The following PTPN5 variants were observed in gnomAD, a reference collection of about 807,000 sequenced individuals.
The protein encoded by PTPN5 is protein tyrosine phosphatase non-receptor type 5.
A neutral mutation model predicts 73.9 loss-of-function variants in PTPN5; 29 were observed. The ratio of observed to expected loss-of-function variants is 0.39; its 90% CI spans 0.29 to 0.54. The LOEUF (loss-of-function observed/expected upper bound fraction) is 0.54. PTPN5 is among the 20% of genes least tolerant of loss of function. The pLI, the probability that PTPN5 is intolerant of heterozygous loss-of-function variation, is 0.65. For synonymous variants in PTPN5, 267 were observed against 304.7 expected, an observed-to-expected ratio of 0.88 and a Z score of 1.29; for missense variants, 652 against 751.4, an observed-to-expected ratio of 0.87 and a Z score of 1.55.
intron 3 of PTPN5, among the ~76,000 whole-genome samples, chr11:18,753,138 G>C (rs1268119057): frequency 6.6e-6 from 1 of 152,234 alleles, no homozygotes; most frequent in African/African-American, 2.4e-5. Flanking sequence ...CAGAGGTCTA[G>C]GAAAATCCAG....
intron 4 of PTPN5, 68 bp from the exon 5 acceptor site, chr11:18,743,497 C>G (rs181115833): frequency 7.1e-7 from 1 of 1,404,564 alleles, no homozygotes; most frequent in African/African-American, 1.4e-5. Flanking sequence ...CAGCAGAGCT[C>G]ACCTGCAGCC....
chr11:18,732,473 G>T (rs1848924036), intron 12 of PTPN5, 119 bp downstream of exon 12: 4 of 731,142 alleles, frequency 5.5e-6, no homozygotes, highest in Non-Finnish European at 9.4e-6. Context: ...AGAAAATCTG[G>T]GAGTGACACT....
At chr11:18,781,847 G>C (rs1308961500) in intron 1 of PTPN5, among the ~76,000 whole-genome samples, 1 of 152,088 alleles carries the variant, frequency 6.6e-6, no homozygotes, top group African/African-American at 2.4e-5. Flanking sequence ...TGTCTTATGG[G>C]AGCACTCAGG....
chr11:18,759,598 A>C (rs1301149123), intron 3 of PTPN5, among the ~76,000 whole-genome samples: 1 of 152,248 alleles, frequency 6.6e-6, no homozygotes, highest in Non-Finnish European at 1.5e-5. Context: ...TAGCACATCC[A>C]AATGGTGTTT....
In PTPN5 at chr11:18,733,650, G is replaced by A. The variant is rs745620750; in HGVS notation, c.1001-15C>T. 2 of 1,613,750 alleles carry A rather than the reference G, an allele frequency of 1.2e-6. No homozygotes were observed. Among genetic ancestry groups the A allele is most frequent in the Admixed American group, 1.7e-5 (1 of 60,002 alleles). ...GCTGTGAGGGTCTGGGGTGGTGGGA[G>A]ACAAGTAAGGCTGGAAACTGGGCCC... On this transcript the variant is annotated splice_polypyrimidine_tract_variant and intron_variant, in intron 9 of 14. Coordinates refer to ENST00000358540, the MANE Select transcript of PTPN5 (RefSeq NM_006906.2). This position sits in a 1 kb window ranked among gnomAD's most constrained non-coding sequence, Gnocchi z 4.3.
intron 1 of PTPN5, among the ~76,000 whole-genome samples, chr11:18,785,303 TG>T (rs1851619963): frequency 6.6e-6 from 1 of 152,214 alleles, no homozygotes; most frequent in South Asian, 2.1e-4. Context: ...TGCCTGGAGA[TG>T]CTCATTATTG....
rs186378636 is a variant in PTPN5, at chr11:18,729,401, C to T, written c.1604+52G>A. The T allele has an allele frequency of 4.2e-3, 3,783 of 896,514 alleles. 9 individuals are homozygous for T. The highest frequency in any genetic ancestry group is 6.0e-3 in the Non-Finnish European group (3,240 of 540,392). The allele number at this position is 896,514 out of a possible 1,614,324, so 55.5% of individuals were successfully genotyped here. On this transcript the variant is annotated intron_variant, in intron 14 of 14. Coordinates refer to ENST00000358540, the MANE Select transcript of PTPN5 (RefSeq NM_006906.2). The surrounding 1 kb of genome is among the most constrained non-coding windows in gnomAD (Gnocchi z 5.2). Reference sequence around the variant, plus strand: ...GCACATGTGGGTCTCTCCCTCTACCCGCTCGGGGCTCTAGCTCCCTTGTGT... The same window carrying T: ...GCACATGTGGGTCTCTCCCTCTACCTGCTCGGGGCTCTAGCTCCCTTGTGT...
chr11:18,783,540 C>CT (rs1851537913), intron 1 of PTPN5, among the ~76,000 whole-genome samples: 1 of 152,238 alleles, frequency 6.6e-6, no homozygotes, highest in African/African-American at 2.4e-5. Context: ...CTGACTCTTG[C>CT]TGTGCGTACC....
chr11:18,776,886 G>A (rs1358023351), intron 1 of PTPN5, among the ~76,000 whole-genome samples: 2 of 152,204 alleles, frequency 1.3e-5, no homozygotes, highest in East Asian at 1.9e-4. Flanking sequence ...AAAGGGCCAG[G>A]CACGGTGGCT....
intron 11 of PTPN5, 118 bp from the exon 12 acceptor site, chr11:18,732,820 T>C: frequency 1.2e-6 from 1 of 809,794 alleles, no homozygotes; most frequent in East Asian, 2.6e-5. Context: ...CTACAGAGTG[T>C]TGGGTTCAAA....
chr11:18,770,205 C>T (rs1443178426), intron 2 of PTPN5, among the ~76,000 whole-genome samples: 1 of 152,206 alleles, frequency 6.6e-6, no homozygotes, highest in South Asian at 2.1e-4. Flanking sequence ...GCATTTAATA[C>T]ATTCATAATG....
At chr11:18,730,286 G>A (rs1438500451) in intron 12 of PTPN5, 1 of 250,350 alleles carries the variant, frequency 4.0e-6, no homozygotes. Flanking sequence ...CACACTCCCC[G>A]CTTCACTGCC....
At position 18,738,001 on chromosome 11, in the gene PTPN5, G is replaced by T. The variant is rs370299118; in HGVS notation, c.916-37C>A. ...GGACACGGGGTGTGAGCAGCTATGG[G>T]CCCTCACAGATGTTTGAATCCAGGG... is the stretch of plus-strand genomic sequence containing the variant. On this transcript the variant is annotated intron_variant, in intron 8 of 14. Transcript: ENST00000358540. 12 of 1,555,552 alleles carry T rather than the reference G, an allele frequency of 7.7e-6. No homozygotes were observed. The African/African-American group carries it at 1.6e-4, about 21-fold the overall frequency.
In PTPN5 at chr11:18,742,175, A is replaced by G. The variant is rs970619994; in HGVS notation, c.725+87T>C. 1.2e-5 allele frequency: 19 copies of G among 1,558,500 alleles called. No homozygotes were observed. The East Asian group carries it at 3.6e-4, about 30-fold the overall frequency. ...TAAGGCCAGCTCTGCCCTGGGCACCAGGAGTCAGAGTCAGGCATCCACTCT... is the reference window on the plus strand; with the variant it reads ...TAAGGCCAGCTCTGCCCTGGGCACCGGGAGTCAGAGTCAGGCATCCACTCT... On this transcript the variant is annotated intron_variant, in intron 7 of 14. Transcript: ENST00000358540. The surrounding 1 kb of genome is among the most constrained non-coding windows in gnomAD (Gnocchi z 4.1).
chr11:18,786,716 G>C (rs976562909), intron 1 of PTPN5, among the ~76,000 whole-genome samples: 6 of 152,172 alleles, frequency 3.9e-5, no homozygotes, highest in Admixed American at 3.3e-4. Flanking sequence ...GTGATTCTAA[G>C]ACTGAGCCTG....
intron 9 of PTPN5, among the ~76,000 whole-genome samples, chr11:18,734,380 C>T (rs1040016554): frequency 4.6e-5 from 7 of 152,188 alleles, no homozygotes; most frequent in South Asian, 2.1e-4. Context: ...TGCAGTGGCA[C>T]GATTATGGCT....
chr11:18,763,302 GACAGTGGCTCCATGGGGACA>G (rs1850483245), intron 3 of PTPN5, among the ~76,000 whole-genome samples: 1 of 152,214 alleles, frequency 6.6e-6, no homozygotes, highest in African/African-American at 2.4e-5. Context: ...GCCAGAAGAT[GACAGTGGCTCCATGGGGACA>G]ACAGAGGCAG....
intron 3 of PTPN5, among the ~76,000 whole-genome samples, chr11:18,747,810 G>T (rs924717577): frequency 4.6e-5 from 7 of 152,176 alleles, no homozygotes; most frequent in Admixed American, 4.6e-4. Flanking sequence ...TCTATAAAAA[G>T]ATAGCAAATA....
At position 18,743,356 on chromosome 11, in the gene PTPN5, G is replaced by C; in HGVS notation, c.365C>G (p.Ser122Cys). The C allele has an allele frequency of 6.2e-7, 1 of 1,614,170 alleles. No individual in the cohort carries two copies. Among genetic ancestry groups the C allele is most frequent in the Non-Finnish European group, 8.5e-7 (1 of 1,180,022 alleles). The stretch of plus-strand genomic sequence containing the variant: ...CAGCTGTTTCAGGAGCGTCAGCAAA[G>C]AGGAGACGAGGTTTGTGGCGTTCTG... ...WSQNATNLVSSLLTLLKQLEP... is the reference protein window; with the variant it reads ...WSQNATNLVSCLLTLLKQLEP... The change falls in exon 5 of 15, where the codon TCT becomes TGT. Residue 122 changes from serine (S) to cysteine (C), a missense_variant. By Grantham distance (112) the Ser-to-Cys change is moderately radical. Around this residue, in one of 3 missense-constraint regions of PTPN5, gnomAD observed 529 missense variants for 573.9 expected, o/e 0.92. Transcript: ENST00000358540.
Sources: allele counts gnomAD v4.1 joint callset (sites outside exome capture counted in the v4.1 genomes callset), GRCh38; gene constraint gnomAD v4.1.1; regional missense constraint gnomAD v4.1.1; non-coding constraint Gnocchi (gnomAD v3.1); transcripts MANE v1.5; gene names NCBI Gene and HGNC (gene_info 2026-07-23, HGNC 2026-07-21).